P4HA1: variants seen among roughly 807,000 people sequenced by gnomAD.
P4HA1 encodes prolyl 4-hydroxylase subunit alpha-1.
A neutral mutation model predicts 72.8 loss-of-function variants in P4HA1; 24 were observed. That is an observed-to-expected ratio of 0.33 (90% CI 0.24 to 0.46). The LOEUF (loss-of-function observed/expected upper bound fraction) is 0.46, where lower values mean the gene tolerates loss of function less well. Ranked by LOEUF, P4HA1 falls within the 20% of genes least tolerant of loss-of-function variation. The probability of loss-of-function intolerance (pLI) is 1.00; values close to 1 mark genes in which losing one functional copy is unlikely to be tolerated. For missense variants in P4HA1, 446 were observed against 640.6 expected, an observed-to-expected ratio of 0.70 and a Z score of 3.28; for synonymous variants, 201 against 218.8, an observed-to-expected ratio of 0.92 and a Z score of 0.72.
intron 5 of P4HA1, chr10:73,065,491 C>CT (rs1487409540): frequency 6.6e-6 from 1 of 152,192 alleles, no homozygotes; most frequent in African/African-American, 2.4e-5. Context: ...AAGCATTTCT[C>CT]TGACTTTTTT....
intron 12 of P4HA1, among the ~76,000 whole-genome samples, chr10:73,011,753 T>C (rs1412665100): frequency 6.6e-6 from 1 of 152,132 alleles, no homozygotes; most frequent in African/African-American, 2.4e-5. Context: ...CCCAGCTACA[T>C]ATTATATCAG....
intron 9 of P4HA1, among the ~76,000 whole-genome samples, chr10:73,042,907 T>C (rs1321635940): frequency 6.6e-6 from 1 of 152,194 alleles, no homozygotes; most frequent in Admixed American, 6.5e-5. Context: ...AAAATGTCAA[T>C]AGTGCTATTG....
At chr10:73,020,731 A>T (rs1840115658) in intron 10 of P4HA1, among the ~76,000 whole-genome samples, 3 of 152,232 alleles carry the variant, frequency 2.0e-5, no homozygotes, top group Admixed American at 2.0e-4. Context: ...ATAATCAATT[A>T]GGCTTTATTT....
intron 10 of P4HA1, among the ~76,000 whole-genome samples, chr10:73,029,717 T>A: frequency 6.6e-6 from 1 of 151,892 alleles, no homozygotes; most frequent in Non-Finnish European, 1.5e-5. Context: ...TAACTAACAT[T>A]CCTATATATA....
intron 4 of P4HA1, among the ~76,000 whole-genome samples, chr10:73,069,806 G>GTTTTTTTTTTTTTTTTTTTTT: frequency 6.8e-6 from 1 of 147,420 alleles, no homozygotes; most frequent in Admixed American, 6.7e-5. Flanking sequence ...ATAATCAACT[G>GTTTTTTTTTTTTTTTTTTTTT]TTTTGTTTTT....
At chr10:73,020,191 A>G (rs1840101397) in intron 10 of P4HA1, among the ~76,000 whole-genome samples, 1 of 152,244 alleles carries the variant, frequency 6.6e-6, no homozygotes, top group East Asian at 1.9e-4. Flanking sequence ...AATAAGCACA[A>G]TCAGAAATAA....
chr10:73,067,284 TCTTA>T (rs1262648224), intron 5 of P4HA1, among the ~76,000 whole-genome samples: 2 of 152,200 alleles, frequency 1.3e-5, no homozygotes, highest in East Asian at 1.9e-4. Context: ...CACTACCACC[TCTTA>T]CTTAAATATT....
intron 9 of P4HA1, among the ~76,000 whole-genome samples, chr10:73,043,273 G>C (rs1422846228): frequency 6.6e-6 from 1 of 152,078 alleles, no homozygotes; most frequent in East Asian, 1.9e-4. Flanking sequence ...CTACTTGTTA[G>C]AATAAAAATT....
intron 7 of P4HA1, among the ~76,000 whole-genome samples, chr10:73,050,182 A>G (rs1462845331): frequency 6.6e-6 from 1 of 151,296 alleles, no homozygotes; most frequent in Non-Finnish European, 1.5e-5. Context: ...AAAAAAAAAA[A>G]TACTGCTGAA....
At chr10:73,080,213 AG>A (rs1332626332) in intron 1 of P4HA1, among the ~76,000 whole-genome samples, 1 of 152,258 alleles carries the variant, frequency 6.6e-6, no homozygotes, top group Non-Finnish European at 1.5e-5. Flanking sequence ...CACTTACAAT[AG>A]GAAGTTCAGA....
chr10:73,029,243 C>A (rs1237746708), intron 10 of P4HA1, among the ~76,000 whole-genome samples: 1 of 151,656 alleles, frequency 6.6e-6, no homozygotes, highest in East Asian at 2.0e-4. Context: ...GAAACCCCGT[C>A]TCTACTAAAA....
At chr10:73,076,718 T>C (rs1841705313) in intron 1 of P4HA1, among the ~76,000 whole-genome samples, 1 of 151,698 alleles carries the variant, frequency 6.6e-6, no homozygotes, top group Non-Finnish European at 1.5e-5. Context: ...ACATGAACTT[T>C]GTCTTTCTTA....
intron 9 of P4HA1, among the ~76,000 whole-genome samples, chr10:73,034,608 C>G (rs1840522941): frequency 1.4e-5 from 2 of 140,436 alleles, no homozygotes; most frequent in Non-Finnish European, 3.0e-5. Context: ...TTTTTGGAGA[C>G]AGGGTCTCAA....
intron 10 of P4HA1, among the ~76,000 whole-genome samples, chr10:73,026,395 C>T (rs113914000): frequency 6.6e-6 from 1 of 152,292 alleles, no homozygotes; most frequent in Non-Finnish European, 1.5e-5. Context: ...GGAAAACTGG[C>T]TAGCCATATG....
At chr10:73,024,088 G>T (rs185576247) in intron 10 of P4HA1, among the ~76,000 whole-genome samples, 1 of 152,252 alleles carries the variant, frequency 6.6e-6, no homozygotes, top group Admixed American at 6.5e-5. Flanking sequence ...AAGACAGAAG[G>T]TTAACAAGAA....
At chr10:73,060,792 T>C (rs981168010) in intron 5 of P4HA1, among the ~76,000 whole-genome samples, 3 of 151,908 alleles carry the variant, frequency 2.0e-5, no homozygotes, top group African/African-American at 7.3e-5. Context: ...AAAGTAATAC[T>C]GAATAGGCTG....
intron 9 of P4HA1, 106 bp downstream of exon 9, chr10:73,044,875 T>TGCTG: frequency 1.2e-6 from 1 of 825,144 alleles, no homozygotes; most frequent in Non-Finnish European, 2.0e-6. Context: ...GGGTGGTGAC[T>TGCTG]TGAGCTGGTG....
chr10:73,012,847 G>A (rs1438547154), intron 12 of P4HA1, among the ~76,000 whole-genome samples: 2 of 152,186 alleles, frequency 1.3e-5, no homozygotes, highest in Admixed American at 1.3e-4. Context: ...AGGCTGGAGA[G>A]TGCAGTGGCG....
intron 9 of P4HA1, among the ~76,000 whole-genome samples, chr10:73,032,869 A>G (rs1335649550): frequency 6.6e-6 from 1 of 152,226 alleles, no homozygotes; most frequent in African/African-American, 2.4e-5. Context: ...CATTACCAAC[A>G]TGAAACTAAC....
Sources: allele counts gnomAD v4.1 joint callset (sites outside exome capture counted in the v4.1 genomes callset), GRCh38; gene constraint gnomAD v4.1.1; transcripts MANE v1.5; gene names NCBI Gene and HGNC (gene_info 2026-07-23, HGNC 2026-07-21).